TSPAN9: variants seen among roughly 807,000 people sequenced by gnomAD.
TSPAN9 encodes the protein tetraspanin 9, also known as tetraspanin-9.
In TSPAN9, 16 loss-of-function variants were observed where a neutral mutation model predicts 31.0. The observed-to-expected ratio is 0.52, with a 90% CI of 0.35 to 0.78. The LOEUF (loss-of-function observed/expected upper bound fraction) is 0.78, where lower values mean the gene tolerates loss of function less well. Among genes scored for constraint, TSPAN9 ranks in the 30% least tolerant of loss-of-function variants. TSPAN9 has a pLI of 0.01. For synonymous variants in TSPAN9, 145 were observed against 121.6 expected (o/e 1.19, Z -1.27); for missense variants, 272 against 312.5 (o/e 0.87, Z 0.98).
rs57812985 is a variant in TSPAN9, at chr12:3,081,844, G to GTGTATATATATATATATATA, written c.-84-1808_-84-1807insGTATATATATATATATATAT. 9.0e-3 allele frequency among the ~76,000 whole-genome samples: 1,055 copies of GTGTATATATATATATATATA among 116,744 alleles called. 48 individuals carry two copies. The highest frequency in any genetic ancestry group is 0.034 in the African/African-American group (924 of 27,430). 76.6% of individuals were successfully genotyped at this position (116,744 alleles called of 152,430 possible). A position where few individuals can be genotyped will look rare whatever the true frequency, so the allele number is the denominator to read the frequency against. ...TGTGTGTGTGTGTGTGTCTGTGTGTGTATATATATGCCAGGTGTGGTGGTA... is the reference window on the plus strand; with the variant it reads ...TGTGTGTGTGTGTGTGTCTGTGTGTGTGTATATATATATATATATATATATATATGCCAGGTGTGGTGGTA... On this transcript the variant is annotated intron_variant, in intron 1 of 8. Transcript: ENST00000011898.
intron 2 of TSPAN9, among the ~76,000 whole-genome samples, chr12:3,096,298 T>C (rs1354588672): frequency 3.3e-5 from 5 of 152,152 alleles, no homozygotes; most frequent in African/African-American, 1.2e-4. Context: ...TACCTCCCGA[T>C]TCCCCACGAC....
chr12:3,164,827 T>C (rs2098347441), intron 2 of TSPAN9, among the ~76,000 whole-genome samples: 1 of 152,160 alleles, frequency 6.6e-6, no homozygotes, highest in African/African-American at 2.4e-5. Flanking sequence ...GGAGGTCCTG[T>C]CTTGGGTAGA....
intron 3 of TSPAN9, among the ~76,000 whole-genome samples, chr12:3,255,749 T>TG (rs1383180995): frequency 6.6e-5 from 10 of 152,234 alleles, no homozygotes; most frequent in African/African-American, 2.2e-4. Context: ...CAAACAGACA[T>TG]GCTCTAGGCA....
chr12:3,199,555 C>G (rs975986098), intron 2 of TSPAN9, among the ~76,000 whole-genome samples: 1 of 152,230 alleles, frequency 6.6e-6, no homozygotes, highest in African/African-American at 2.4e-5. Context: ...AAGGGCACCC[C>G]TACATCACTC....
At position 3,168,508 on chromosome 12, in the gene TSPAN9, G is replaced by C. The variant is rs953399843; in HGVS notation, c.-17-32669G>C. ...GAAGAGGCTGCAAGGGGTAAGAAGA[G>C]AGTGTCACAAGCTGGGAGGTGCCAG... On this transcript the variant is annotated intron_variant, in intron 2 of 8. Transcript: ENST00000011898. This position sits in a 1 kb window ranked among gnomAD's most constrained non-coding sequence, Gnocchi z 4.0. Among the ~76,000 whole-genome samples, 10 of 152,224 alleles carry C rather than the reference G, an allele frequency of 6.6e-5. No homozygotes were observed.
At chr12:3,102,864 G>A (rs1445009170) in intron 2 of TSPAN9, among the ~76,000 whole-genome samples, 2 of 152,202 alleles carry the variant, frequency 1.3e-5, no homozygotes, top group Non-Finnish European at 2.9e-5. Flanking sequence ...GACTGAATGA[G>A]TGAGCCCCAG....
chr12:3,181,294 GATC>G (rs1388215740), intron 2 of TSPAN9, among the ~76,000 whole-genome samples: 1 of 152,208 alleles, frequency 6.6e-6, no homozygotes, highest in Non-Finnish European at 1.5e-5. Flanking sequence ...CCTGGACGTA[GATC>G]ATCAACTGTG....
intron 2 of TSPAN9, among the ~76,000 whole-genome samples, chr12:3,178,153 C>A (rs1011205146): frequency 2.0e-5 from 3 of 152,284 alleles, no homozygotes; most frequent in Admixed American, 1.3e-4. Flanking sequence ...TATGAACTTT[C>A]CTCACCGTCT....
At chr12:3,095,656 G>A (rs1452066877) in intron 2 of TSPAN9, among the ~76,000 whole-genome samples, 5 of 145,070 alleles carry the variant, frequency 3.4e-5, no homozygotes, top group East Asian at 2.1e-4. Context: ...CCTCCCGGAC[G>A]GGGCGGCTGG....
At chr12:3,229,974 A>G (rs1326457701) in intron 3 of TSPAN9, among the ~76,000 whole-genome samples, 1 of 152,206 alleles carries the variant, frequency 6.6e-6, no homozygotes, top group Non-Finnish European at 1.5e-5. Context: ...GAGAGAATCC[A>G]GGGCTGGGTC....
At chr12:3,250,966 C>T (rs1862235555) in intron 3 of TSPAN9, among the ~76,000 whole-genome samples, 1 of 152,222 alleles carries the variant, frequency 6.6e-6, no homozygotes, top group African/African-American at 2.4e-5. Context: ...TCTCTCTTCT[C>T]CTTTCTGCCT....
rs1862868979 is a variant in TSPAN9 at position 3,280,283 on chromosome 12, C to G, written c.331-99C>G. 9.2e-7 allele frequency: 1 copy of G among 1,091,648 alleles called. No homozygotes were observed. Among genetic ancestry groups the G allele is most frequent in the African/African-American group, 1.5e-5 (1 of 64,622 alleles). The allele number at this position is 1,091,648 out of a possible 1,614,324, so 67.6% of individuals were successfully genotyped here. On this transcript the variant is annotated intron_variant, in intron 5 of 8. Transcript: ENST00000011898. The surrounding 1 kb of genome is among the most constrained non-coding windows in gnomAD (Gnocchi z 4.5). ...AGCTGCCTTCCCTGCCTTCCTCACT[C>G]CTCATCTGTCACCCACCATCCTGGG...
At chr12:3,186,568 G>GTT (rs1178561702) in intron 2 of TSPAN9, among the ~76,000 whole-genome samples, 1 of 145,454 alleles carries the variant, frequency 6.9e-6, no homozygotes, top group Non-Finnish European at 1.5e-5. Flanking sequence ...GTGTGTGTGT[G>GTT]TGTGTGTGTA....
intron 2 of TSPAN9, among the ~76,000 whole-genome samples, chr12:3,129,870 G>GGA (rs1389627624): frequency 6.6e-6 from 1 of 152,136 alleles, no homozygotes; most frequent in Non-Finnish European, 1.5e-5. Flanking sequence ...AGCAGTGACG[G>GGA]GAGCCTGGCA....
chr12:3,119,528 CT>C (rs371194981), intron 2 of TSPAN9, among the ~76,000 whole-genome samples: 7 of 152,176 alleles, frequency 4.6e-5, no homozygotes, highest in African/African-American at 1.7e-4. Flanking sequence ...TTTGTGTGTG[CT>C]TTTTTCTGCA....
At chr12:3,095,510 C>T (rs1298303366) in intron 2 of TSPAN9, among the ~76,000 whole-genome samples, 3 of 124,422 alleles carry the variant, frequency 2.4e-5, no homozygotes, top group Non-Finnish European at 5.2e-5. Flanking sequence ...CTGACCCCCC[C>T]CCACCTCCCT....
Position 3,283,770 on chromosome 12 carries a change from G to A in TSPAN9, c.*654G>A, listed in dbSNP as rs769402933. 1 of 152,622 alleles carries A rather than the reference G, an allele frequency of 6.6e-6. No individual in the cohort carries two copies. Among genetic ancestry groups the A allele is most frequent in the Non-Finnish European group, 1.5e-5 (1 of 68,096 alleles). The allele number at this position is 152,622 out of a possible 1,614,324, so 9.5% of individuals were successfully genotyped here. ...TGAGGGTGAGGGATGGGTGGGAAGA[G>A]AGGACATCTGTCCAGTCTCAATCAG... On this transcript the variant is annotated 3_prime_UTR_variant, in exon 9 of 9. Coordinates refer to ENST00000011898, the MANE Select transcript of TSPAN9 (RefSeq NM_006675.5).
intron 3 of TSPAN9, among the ~76,000 whole-genome samples, chr12:3,260,380 A>G (rs1862426006): frequency 6.6e-6 from 1 of 152,194 alleles, no homozygotes; most frequent in African/African-American, 2.4e-5. Context: ...GTGCCAGTGA[A>G]GAATTTGGAT....
At chr12:3,190,161 C>T (rs1372214704) in intron 2 of TSPAN9, among the ~76,000 whole-genome samples, 1 of 152,210 alleles carries the variant, frequency 6.6e-6, no homozygotes, top group Admixed American at 6.5e-5. Context: ...AGGCAGCAGG[C>T]AGCAGCTCCT....
Sources: gnomAD v4.1 joint callset for allele counts (sites outside exome capture counted in the v4.1 genomes callset) on GRCh38, gnomAD v4.1.1 for gene constraint, Gnocchi (gnomAD v3.1) non-coding constraint, MANE v1.5 for transcripts, NCBI Gene and HGNC (gene_info 2026-07-23, HGNC 2026-07-21) for gene names.